ABCD3: variants seen among roughly 807,000 people sequenced by gnomAD.
The protein encoded by ABCD3 is ATP binding cassette subfamily D member 3.
ABCD3 carries 41 observed loss-of-function variants against 105.5 expected under a neutral mutation model. The observed-to-expected ratio is 0.39, with a 90% CI of 0.30 to 0.50. ABCD3 has a LOEUF of 0.50. Among genes scored for constraint, ABCD3 ranks in the 20% least tolerant of loss-of-function variants. ABCD3 has a pLI of 0.84. For missense variants in ABCD3, 622 were observed against 806.3 expected, an observed-to-expected ratio of 0.77 and a Z score of 2.77; for synonymous variants, 258 against 269.0, an observed-to-expected ratio of 0.96 and a Z score of 0.40.
chr1:94,404,154 A>AT, the ABCD3 span, among the ~76,000 whole-genome samples: 1 of 151,998 alleles, frequency 6.6e-6, no homozygotes, highest in Non-Finnish European at 1.5e-5. Context: ...CTACTCCATA[A>AT]TTTTTTTGTC....
chr1:94,413,982 G>A (rs1658958246), upstream of ABCD3, among the ~76,000 whole-genome samples: 1 of 152,152 alleles, frequency 6.6e-6, no homozygotes, highest in Admixed American at 6.5e-5. Flanking sequence ...TGAGTTGAAC[G>A]TGAGGATGTT....
chr1:94,498,894 T>C, intron 18 of ABCD3, 46 bp downstream of exon 18: 1 of 1,610,980 alleles, frequency 6.2e-7, no homozygotes, highest in Non-Finnish European at 8.5e-7. Flanking sequence ...TCTTTTTGTT[T>C]ATTTATTTTT....
the ABCD3 span, among the ~76,000 whole-genome samples, chr1:94,402,829 T>G: frequency 6.6e-6 from 1 of 152,056 alleles, no homozygotes; most frequent in Non-Finnish European, 1.5e-5. Context: ...ATACTTTAAG[T>G]TTTAGGGTAC....
At chr1:94,439,621 ACT>A (rs1660061354) in intron 1 of ABCD3, among the ~76,000 whole-genome samples, 3 of 152,130 alleles carry the variant, frequency 2.0e-5, no homozygotes, top group Admixed American at 1.3e-4. Flanking sequence ...ACAGAGCGAG[ACT>A]CTATCAAAAA....
At chr1:94,477,227 C>CAAAAAAAAA (rs561060182) in intron 7 of ABCD3, among the ~76,000 whole-genome samples, 3 of 44,292 alleles carry the variant, frequency 6.8e-5, no homozygotes, top group African/African-American at 8.9e-5. Flanking sequence ...ACTTATAAGG[C>CAAAAAAAAA]AAAAAAAAAA....
chr1:94,513,565 A>T (rs1027876484), intron 21 of ABCD3: 19 of 152,248 alleles, frequency 1.2e-4, no homozygotes, highest in South Asian at 1.2e-3. Flanking sequence ...AATACAGACA[A>T]AACTTAAATA....
At chr1:94,400,414 AAAAG>A in the ABCD3 span, among the ~76,000 whole-genome samples, 2 of 152,102 alleles carry the variant, frequency 1.3e-5, no homozygotes, top group Non-Finnish European at 2.9e-5. Flanking sequence ...GAAAAAAAAA[AAAAG>A]AAAGAAAAAG....
At chr1:94,489,200 A>G (rs534772765) in intron 13 of ABCD3, among the ~76,000 whole-genome samples, 2 of 152,148 alleles carry the variant, frequency 1.3e-5, no homozygotes, top group East Asian at 1.9e-4. Flanking sequence ...AGTGATTTCT[A>G]TCTAATAATA....
upstream of ABCD3, among the ~76,000 whole-genome samples, chr1:94,418,200 C>T (rs1659096157): frequency 6.6e-6 from 1 of 152,216 alleles, no homozygotes; most frequent in Non-Finnish European, 1.5e-5. Context: ...CTCCTCCGCG[C>T]CGCGTTTCCG....
chr1:94,421,637 G>A (rs562229720), intron 1 of ABCD3, among the ~76,000 whole-genome samples: 3 of 151,614 alleles, frequency 2.0e-5, no homozygotes, highest in African/African-American at 7.2e-5. Flanking sequence ...TTACCTTCTT[G>A]TTAGGGAAAA....
upstream of ABCD3, among the ~76,000 whole-genome samples, chr1:94,417,896 A>G (rs1196336221): frequency 6.6e-6 from 1 of 152,130 alleles, no homozygotes; most frequent in Non-Finnish European, 1.5e-5. Context: ...TTCTCCTCAC[A>G]TCTCCCTACA....
At chr1:94,465,004 G>A (rs557681372) in intron 3 of ABCD3, 131 bp downstream of exon 3, 62 of 793,062 alleles carry the variant, frequency 7.8e-5, no homozygotes, top group Middle Eastern at 3.6e-4. Context: ...GCATGGCACA[G>A]CATCTCCTCC....
At chr1:94,411,788 T>C in the ABCD3 span, among the ~76,000 whole-genome samples, 3 of 152,156 alleles carry the variant, frequency 2.0e-5, no homozygotes, top group Admixed American at 2.0e-4. Context: ...GATGTTTCCA[T>C]AGAATGAAAT....
In ABCD3 at chr1:94,517,379, A is replaced by G. The variant is rs1570850976; in HGVS notation, c.*250A>G. 4.9e-6 allele frequency: 2 copies of G among 404,872 alleles called. No individual in the cohort carries two copies. Among genetic ancestry groups the G allele is most frequent in the East Asian group, 5.5e-5 (1 of 18,204 alleles). The allele number at this position is 404,872 out of a possible 1,614,324, so 25.1% of individuals were successfully genotyped here. A position where few individuals can be genotyped will look rare whatever the true frequency, so the allele number is the denominator to read the frequency against. On this transcript the variant is annotated 3_prime_UTR_variant, in exon 23 of 23. Transcript: ENST00000370214. The stretch of plus-strand genomic sequence containing the variant: ...AAGAATGTCCTTATTCTTGTGGTTA[A>G]AAACCTGCCTAAATTAAATTGGGCT...
chr1:94,479,071 A>T (rs1241082746), intron 8 of ABCD3, among the ~76,000 whole-genome samples: 2 of 152,208 alleles, frequency 1.3e-5, no homozygotes, highest in African/African-American at 4.8e-5. Flanking sequence ...GTTGATTAAT[A>T]AATTATTTCC....
At position 94,518,056 on chromosome 1, in the gene ABCD3, T is replaced by C. The variant is rs1310675862; in HGVS notation, c.*927T>C. 6.6e-6 allele frequency: 1 copy of C among 151,880 alleles called. No homozygotes were observed. The highest frequency in any genetic ancestry group is 2.4e-5 in the African/African-American group (1 of 41,398). 9.4% of individuals were successfully genotyped at this position (151,880 alleles called of 1,614,324 possible). On this transcript the variant is annotated 3_prime_UTR_variant, in exon 23 of 23. Transcript: ENST00000370214. The stretch of plus-strand genomic sequence containing the variant: ...TGAGTATGCAATGCTATCACTGTCT[T>C]TGACTGTGATTTTATGTTTAAAAAG...
At chr1:94,444,174 A>T (rs1660248848) in intron 1 of ABCD3, among the ~76,000 whole-genome samples, 1 of 151,962 alleles carries the variant, frequency 6.6e-6, no homozygotes, top group African/African-American at 2.4e-5. Context: ...TCTCCTAAAA[A>T]TACAAAAATT....
the ABCD3 span, among the ~76,000 whole-genome samples, chr1:94,409,176 T>TA: frequency 2.6e-5 from 4 of 152,114 alleles, no homozygotes; most frequent in South Asian, 4.1e-4. Flanking sequence ...GTGATTATAG[T>TA]AAAAAATAAT....
chr1:94,499,568 A>G lies in ABCD3; in HGVS notation c.1694A>G (p.Gln565Arg), dbSNP rs754898212. Residue 565 changes from glutamine to arginine, a missense_variant, in exon 20 of 23, where the codon CAG (glutamine) becomes CGG (arginine). Around this residue, in one of 4 missense-constraint regions of ABCD3, gnomAD observed 285 missense variants for 352.5 expected, o/e 0.81. Transcript: ENST00000370214. ...LEREGGWDSV[Q>R]DWMDVLSGGE... ...CGTGAAGGAGGCTGGGACAGTGTTC[A>G]GGATTGGATGGACGTACTCAGTGGT... The G allele has an allele frequency of 1.9e-6, 3 of 1,613,708 alleles. No homozygotes were observed. The highest frequency in any genetic ancestry group is 4.5e-5 in the East Asian group (2 of 44,832).
Sources: allele counts gnomAD v4.1 joint callset (sites outside exome capture counted in the v4.1 genomes callset), GRCh38; gene constraint gnomAD v4.1.1; regional missense constraint gnomAD v4.1.1; transcripts MANE v1.5; gene names NCBI Gene and HGNC (gene_info 2026-07-23, HGNC 2026-07-21).